The following CRADD variants were observed in gnomAD, a reference collection of about 807,000 sequenced individuals.
CRADD encodes death domain-containing protein CRADD.
Under a neutral mutation model 15.5 loss-of-function variants are expected in CRADD, and 9 were observed. The observed-to-expected ratio is 0.58, with a 90% CI of 0.35 to 1.01. The LOEUF is 1.01. Among genes scored for constraint, CRADD ranks in the 50% least tolerant of loss-of-function variants. The probability of loss-of-function intolerance (pLI) is 0.02; values close to 1 mark genes in which losing one functional copy is unlikely to be tolerated. For missense variants in CRADD, 227 were observed against 250.3 expected, an observed-to-expected ratio of 0.91 and a Z score of 0.63; for synonymous variants, 118 against 107.6, an observed-to-expected ratio of 1.10 and a Z score of -0.60.
intron 2 of CRADD, among the ~76,000 whole-genome samples, chr12:93,730,717 CTTTTTT>C (rs566237726): frequency 1.6e-5 from 2 of 127,176 alleles, no homozygotes; most frequent in Non-Finnish European, 3.4e-5. Flanking sequence ...CCTTCATTTA[CTTTTTT>C]TTTTTTTTTT....
intron 2 of CRADD, among the ~76,000 whole-genome samples, chr12:93,715,358 A>G (rs189341379): frequency 3.7e-4 from 56 of 152,364 alleles, no homozygotes; most frequent in Non-Finnish European, 6.3e-4. Context: ...CTTCACAAGA[A>G]CATTGGTAAA....
At chr12:93,686,632 G>C (rs1022441670) in intron 2 of CRADD, among the ~76,000 whole-genome samples, 1 of 152,204 alleles carries the variant, frequency 6.6e-6, no homozygotes, top group Non-Finnish European at 1.5e-5. Flanking sequence ...CAGCAAGATG[G>C]AGCCATATCC....
intron 2 of CRADD, among the ~76,000 whole-genome samples, chr12:93,746,696 C>T (rs1173901197): frequency 6.6e-6 from 1 of 151,990 alleles, no homozygotes; most frequent in African/African-American, 2.4e-5. Context: ...GCGATGAACC[C>T]AAGGTTCAAA....
At chr12:93,704,012 G>C (rs1335122806) in intron 2 of CRADD, among the ~76,000 whole-genome samples, 1 of 144,642 alleles carries the variant, frequency 6.9e-6, no homozygotes, top group Non-Finnish European at 1.5e-5. Context: ...TAGAGATGGG[G>C]GTTCCACCAT....
intron 2 of CRADD, among the ~76,000 whole-genome samples, chr12:93,706,080 C>T (rs1027206975): frequency 5.9e-5 from 9 of 152,126 alleles, no homozygotes; most frequent in African/African-American, 2.2e-4. Flanking sequence ...CGTATAGCTG[C>T]CAATGAGACA....
intron 2 of CRADD, among the ~76,000 whole-genome samples, chr12:93,790,131 G>A (rs1199428570): frequency 6.6e-6 from 1 of 152,160 alleles, no homozygotes; most frequent in East Asian, 1.9e-4. Flanking sequence ...CCAGAGTTAA[G>A]GATGTTGTCA....
chr12:93,877,880 G>C (rs1167862334), intron 2 of CRADD, among the ~76,000 whole-genome samples: 1 of 152,132 alleles, frequency 6.6e-6, no homozygotes, highest in African/African-American at 2.4e-5. Flanking sequence ...GCAAGACAGA[G>C]TTCCCTTTGC....
At chr12:93,872,083 G>A (rs1425432539) in intron 2 of CRADD, among the ~76,000 whole-genome samples, 1 of 152,206 alleles carries the variant, frequency 6.6e-6, no homozygotes, top group East Asian at 1.9e-4. Flanking sequence ...GTTATTGCTT[G>A]TCTTTTGGAT....
chr12:93,886,132 C>T, intron 2 of CRADD, among the ~76,000 whole-genome samples: 1 of 147,830 alleles, frequency 6.8e-6, no homozygotes, highest in South Asian at 2.1e-4. Flanking sequence ...AACTGCCAAG[C>T]TAAGATGGAC....
intron 2 of CRADD, among the ~76,000 whole-genome samples, chr12:93,721,259 G>T (rs1460119724): frequency 3.3e-5 from 5 of 152,084 alleles, no homozygotes; most frequent in Non-Finnish European, 7.4e-5. Flanking sequence ...TTTTAAAGTG[G>T]TTTCCCTAGA....
At chr12:93,808,274 T>C (rs1293737742) in intron 2 of CRADD, among the ~76,000 whole-genome samples, 2 of 152,132 alleles carry the variant, frequency 1.3e-5, no homozygotes, top group African/African-American at 4.8e-5. Flanking sequence ...CAGTTCCACA[T>C]GGCTGGGGAG....
intron 2 of CRADD, among the ~76,000 whole-genome samples, chr12:93,834,402 C>A (rs952051380): frequency 6.6e-6 from 1 of 152,094 alleles, no homozygotes; most frequent in Non-Finnish European, 1.5e-5. Flanking sequence ...ACATTCTATT[C>A]TATAATCTAG....
intron 2 of CRADD, chr12:93,735,572 G>A (rs1020540251): frequency 2.0e-5 from 3 of 152,140 alleles, no homozygotes; most frequent in African/African-American, 7.2e-5. Context: ...TACCTTTGAA[G>A]CTGACTTCTT....
At chr12:93,706,972 CCT>C (rs1243238809) in intron 2 of CRADD, among the ~76,000 whole-genome samples, 2 of 152,184 alleles carry the variant, frequency 1.3e-5, no homozygotes, top group African/African-American at 4.8e-5. Flanking sequence ...AATTCTGTGA[CCT>C]CTACAATCCA....
chr12:93,853,407 T>C (rs1417545492), downstream of CRADD, among the ~76,000 whole-genome samples: 1 of 151,728 alleles, frequency 6.6e-6, no homozygotes, highest in Admixed American at 6.6e-5. Context: ...CAATATCCTT[T>C]GTGTTCACAA....
At chr12:93,826,233 A>C (rs1422924667) in intron 2 of CRADD, among the ~76,000 whole-genome samples, 1 of 152,262 alleles carries the variant, frequency 6.6e-6, no homozygotes, top group African/African-American at 2.4e-5. Flanking sequence ...GAAATGAATA[A>C]AACTATCAAT....
intron 2 of CRADD, among the ~76,000 whole-genome samples, chr12:93,886,354 T>G (rs966902869): frequency 2.6e-5 from 4 of 151,080 alleles, no homozygotes; most frequent in African/African-American, 9.8e-5. Flanking sequence ...AGAAATGGGG[T>G]TTTGCCATGT....
At chr12:93,880,334 G>C (rs1958488173) in intron 2 of CRADD, among the ~76,000 whole-genome samples, 1 of 152,018 alleles carries the variant, frequency 6.6e-6, no homozygotes, top group Non-Finnish European at 1.5e-5. Context: ...TTCTTTATGA[G>C]TCTATAAACA....
rs1380767578 is a variant in CRADD at position 93,894,043 on chromosome 12, ATTTT to A, written c.299-6_299-3del. On this transcript the variant is annotated splice_region_variant and splice_polypyrimidine_tract_variant and intron_variant, in intron 2 of 2. Coordinates refer to the CRADD transcript ENST00000548483. Reference sequence around the variant, plus strand: ...TTGATTTGACCTTCTCTTTCTTCTCATTTTAGAGATGAGGAAACTGAGGCCAAAG... The same window carrying A: ...TTGATTTGACCTTCTCTTTCTTCTCAAGAGATGAGGAAACTGAGGCCAAAG... 5.7e-6 allele frequency: 4 copies of A among 702,174 alleles called. No homozygotes were observed. In the East Asian group the frequency reaches 1.1e-4, roughly 19 times the overall value. The allele number at this position is 702,174 out of a possible 1,614,324, so 43.5% of individuals were successfully genotyped here.
Sources: allele counts gnomAD v4.1 joint callset (sites outside exome capture counted in the v4.1 genomes callset), GRCh38; gene constraint gnomAD v4.1.1; transcripts MANE v1.5; gene names NCBI Gene and HGNC (gene_info 2026-07-23, HGNC 2026-07-21).